Variants in ZNF462 observed in about 807,000 individuals in gnomAD.
ZNF462 encodes the protein zinc finger PBX1-interacting protein.
A neutral mutation model predicts 201.9 loss-of-function variants in ZNF462; 10 were observed. The observed-to-expected ratio is 0.05, with a 90% CI of 0.03 to 0.08. The LOEUF (loss-of-function observed/expected upper bound fraction) is 0.08. ZNF462 is among the 10% of genes least tolerant of loss of function. ZNF462 has a pLI of 1.00. For missense variants in ZNF462, 2,523 were observed against 3,168.3 expected, an observed-to-expected ratio of 0.80 and a Z score of 4.89; for synonymous variants, 1,227 against 1,193.3, an observed-to-expected ratio of 1.03 and a Z score of -0.58.
chr9:106,904,976 G>GT (rs1335049752), intron 1 of ZNF462, among the ~76,000 whole-genome samples: 3 of 152,050 alleles, frequency 2.0e-5, no homozygotes, highest in South Asian at 2.1e-4. Flanking sequence ...TGATTTTTTT[G>GT]TGGGGGGGTG....
In ZNF462 at chr9:106,917,990, C is replaced by T. The variant is rs1004672858; in HGVS notation, c.-30-5364C>T. Among the ~76,000 whole-genome samples, 10 of 151,872 alleles carry T rather than the reference C, an allele frequency of 6.6e-5. No individual in the cohort carries two copies. The highest frequency in any genetic ancestry group is 2.1e-4 in the South Asian group (1 of 4,806). Reference sequence around the variant, plus strand: ...CTCCCGGGTTCAAGCAATTCTCTGCCTCAGCCTCCTGAGTAGCTGGGATTA... The same window carrying T: ...CTCCCGGGTTCAAGCAATTCTCTGCTTCAGCCTCCTGAGTAGCTGGGATTA... On this transcript the variant is annotated intron_variant, in intron 1 of 12. Coordinates refer to ENST00000277225, the MANE Select transcript of ZNF462 (RefSeq NM_021224.6). This position sits in a 1 kb window ranked among gnomAD's most constrained non-coding sequence, Gnocchi z 4.5.
intron 1 of ZNF462, among the ~76,000 whole-genome samples, chr9:106,909,969 A>G (rs1193005887): frequency 2.6e-5 from 4 of 152,072 alleles, no homozygotes; most frequent in Non-Finnish European, 5.9e-5. Context: ...TTTTATCTGT[A>G]TGTTCGATCT....
chr9:106,940,525 C>A (rs544239742), intron 7 of ZNF462, among the ~76,000 whole-genome samples: 3 of 152,184 alleles, frequency 2.0e-5, no homozygotes, highest in Non-Finnish European at 4.4e-5. Flanking sequence ...AATGGTAAGT[C>A]CTAAGATGAA....
At chr9:106,941,623 T>C (rs1272310526) in intron 7 of ZNF462, among the ~76,000 whole-genome samples, 1 of 152,212 alleles carries the variant, frequency 6.6e-6, no homozygotes, top group East Asian at 1.9e-4. Context: ...TTAATGTATA[T>C]AAATGACCTA....
rs542703164 is a variant in ZNF462 at position 106,895,684 on chromosome 9, G to A, written c.-30-27670G>A. 2.0e-5 allele frequency among the ~76,000 whole-genome samples: 3 copies of A among 152,308 alleles called. No individual in the cohort carries two copies. In the South Asian group the frequency reaches 6.2e-4, roughly 32 times the overall value. On this transcript the variant is annotated intron_variant, in intron 1 of 12. Coordinates refer to ENST00000277225, the MANE Select transcript of ZNF462 (RefSeq NM_021224.6). The surrounding 1 kb of genome is among the most constrained non-coding windows in gnomAD (Gnocchi z 4.4). Reference sequence around the variant, plus strand: ...TTTTTAGTCCCATTATACAGGTCAGGAAGTTGGAGGTCCTGTTGTCTTTCT... The same window carrying A: ...TTTTTAGTCCCATTATACAGGTCAGAAAGTTGGAGGTCCTGTTGTCTTTCT...
In ZNF462 at chr9:106,927,436, A is replaced by G; in HGVS notation, c.3524A>G (p.Gln1175Arg). Reference protein sequence around the residue: ...GSPRPPAPIQQLNRSSSERDG... With the variant: ...GSPRPPAPIQRLNRSSSERDG... ...CCCCGGCCACCCGCCCCCATACAAC[A>G]GCTGAACCGAAGCAGCTCTGAGAGA... Residue 1175 changes from glutamine (Q) to arginine (R), a missense_variant, in exon 3 of 13, where the codon CAG becomes CGG. Physicochemically the swap from Gln to Arg is conservative, Grantham distance 43. Around this residue, in one of 15 missense-constraint regions of ZNF462, gnomAD observed 222 missense variants for 271.6 expected, o/e 0.82. Coordinates refer to ENST00000277225, the MANE Select transcript of ZNF462 (RefSeq NM_021224.6). 1 of 1,613,448 alleles carries G rather than the reference A, an allele frequency of 6.2e-7. No individual in the cohort carries two copies. Among genetic ancestry groups the G allele is most frequent in the Non-Finnish European group, 8.5e-7 (1 of 1,179,894 alleles).
rs867025871 is a variant in ZNF462 at position 106,929,981 on chromosome 9, A to G, written c.5847+222A>G. ...TCCCTCCTTCCCTTTGACTCCTCCCATGGCTCCCCAGGGGAGGTTTGGGGT... is the reference window on the plus strand; with the variant it reads ...TCCCTCCTTCCCTTTGACTCCTCCCGTGGCTCCCCAGGGGAGGTTTGGGGT... On this transcript the variant is annotated intron_variant, in intron 3 of 12. Transcript: ENST00000277225. This position sits in a 1 kb window ranked among gnomAD's most constrained non-coding sequence, Gnocchi z 8.7. Among the ~76,000 whole-genome samples the G allele has an allele frequency of 5.9e-5, 9 of 151,722 alleles. No homozygotes were observed. Among genetic ancestry groups the G allele is most frequent in the Admixed American group, 3.3e-4 (5 of 15,226 alleles).
chr9:106,959,497 G>C (rs1831731392), intron 7 of ZNF462, among the ~76,000 whole-genome samples: 1 of 152,070 alleles, frequency 6.6e-6, no homozygotes. Flanking sequence ...CCAGTCACTG[G>C]ACTTCACACA....
chr9:106,942,607 G>A (rs1830921667), intron 7 of ZNF462, among the ~76,000 whole-genome samples: 2 of 152,306 alleles, frequency 1.3e-5, no homozygotes, highest in South Asian at 4.2e-4. Flanking sequence ...ATGCTCTGCT[G>A]TGTTTGTGTT....
At position 106,972,064 on chromosome 9, in the gene ZNF462, G is replaced by T. The variant is rs368541757; in HGVS notation, c.6487G>T (p.Ala2163Ser). 2.5e-5 allele frequency: 41 copies of T among 1,614,152 alleles called. No homozygotes were observed. The highest frequency in any genetic ancestry group is 1.0e-4 in the Admixed American group (6 of 60,028). Residue 2163 changes from alanine (A) to serine (S), a missense_variant, in exon 8 of 13, where the codon GCC (alanine) becomes TCC (serine). By Grantham distance (99) the Ala-to-Ser change is moderately conservative (BLOSUM62 1). This residue lies in a region of ZNF462 where 138 missense variants were observed against 146.3 expected (regional missense o/e 0.94). Coordinates refer to ENST00000277225, the MANE Select transcript of ZNF462 (RefSeq NM_021224.6). This position sits in a 1 kb window ranked among gnomAD's most constrained non-coding sequence, Gnocchi z 4.8. ...GCAGTTGAACCACTATCAGTCAGCT[G>T]CCCTGGCAAGGAACAACAGCCGTGT... ...QQQLNHYQSA[A>S]LARNNSRVSP...
Position 106,928,132 on chromosome 9 carries a change from T to C in ZNF462, c.4220T>C (p.Ile1407Thr). ...GATGAGTCAGTGCTACTGGACATCA[T>C]CAAGGAGAAAGATGCTGTGGAGAAG... ...NGDESVLLDI[I>T]KEKDAVEKPI... Residue 1407 changes from isoleucine (I) to threonine (T), a missense_variant, in exon 3 of 13, where the codon ATC (isoleucine) becomes ACC (threonine). Ile to Thr is a moderately conservative substitution (Grantham distance 89). Transcript: ENST00000277225. This position sits in a 1 kb window ranked among gnomAD's most constrained non-coding sequence, Gnocchi z 9.3. 2.5e-6 allele frequency: 4 copies of C among 1,614,154 alleles called. No homozygotes were observed. The highest frequency in any genetic ancestry group is 2.5e-6 in the Non-Finnish European group (3 of 1,180,036).
Position 106,923,409 on chromosome 9 carries a change from G to C in ZNF462, c.26G>C (p.Cys9Ser). The change falls in exon 2 of 13, where the codon TGT becomes TCT. Residue 9 changes from cysteine to serine, a missense_variant. Cys to Ser is a moderately radical substitution (Grantham distance 112). Coordinates refer to ENST00000277225, the MANE Select transcript of ZNF462 (RefSeq NM_021224.6). This position sits in a 1 kb window ranked among gnomAD's most constrained non-coding sequence, Gnocchi z 5.6. ...ATGGAGGTGCTTCAGTGTGATGGCT[G>C]TGATTTCCGAGCCCCGTCTTATGAA... MEVLQCDG[C>S]DFRAPSYEDL... The C allele has an allele frequency of 6.2e-7, 1 of 1,614,186 alleles. No individual in the cohort carries two copies. The highest frequency in any genetic ancestry group is 8.5e-7 in the Non-Finnish European group (1 of 1,180,040).
At chr9:106,912,308 A>G (rs1457755862) in intron 1 of ZNF462, among the ~76,000 whole-genome samples, 1 of 152,208 alleles carries the variant, frequency 6.6e-6, no homozygotes, top group African/African-American at 2.4e-5. Flanking sequence ...TTCTGTGTAT[A>G]CCTTTGTCAG....
intron 1 of ZNF462, among the ~76,000 whole-genome samples, chr9:106,921,021 AG>A (rs1829969133): frequency 6.6e-6 from 1 of 152,156 alleles, no homozygotes; most frequent in Admixed American, 6.5e-5. Flanking sequence ...TTTGTGTTGA[AG>A]GGTGTGTCTG....
chr9:106,995,315 C>A (rs1828621529), intron 10 of ZNF462, among the ~76,000 whole-genome samples: 1 of 152,076 alleles, frequency 6.6e-6, no homozygotes, highest in African/African-American at 2.4e-5. Context: ...TGCTCTATAT[C>A]CTTCTGGGTA....
rs1588079712 is a variant in ZNF462 at position 106,932,878 on chromosome 9, T to C, written c.6116+329T>C. 1 of 424,090 alleles carries C rather than the reference T, an allele frequency of 2.4e-6. No homozygotes were observed. The highest frequency in any genetic ancestry group is 3.0e-5 in the South Asian group (1 of 33,736). The allele number at this position is 424,090 out of a possible 1,614,324, so 26.3% of individuals were successfully genotyped here. ...CAAACATTCAGCCAAAATCTAGTCA[T>C]TGTTTGAGGAAGTAAAGTCCATTTA... On this transcript the variant is annotated intron_variant, in intron 5 of 12. Coordinates refer to ENST00000277225, the MANE Select transcript of ZNF462 (RefSeq NM_021224.6). The surrounding 1 kb of genome is among the most constrained non-coding windows in gnomAD (Gnocchi z 6.8).
At chr9:106,899,910 T>C (rs1413569770) in intron 1 of ZNF462, among the ~76,000 whole-genome samples, 1 of 152,120 alleles carries the variant, frequency 6.6e-6, no homozygotes. Context: ...GTAAGTTCTT[T>C]AGTGGTGACG....
At position 106,978,963 on chromosome 9, in the gene ZNF462, G is replaced by T; in HGVS notation, c.6832+4690G>T. 3.5e-6 allele frequency: 1 copy of T among 287,740 alleles called. No homozygotes were observed. Among genetic ancestry groups the T allele is most frequent in the Non-Finnish European group, 6.6e-6 (1 of 150,668 alleles). 17.8% of individuals were successfully genotyped at this position (287,740 alleles called of 1,614,324 possible). A position where few individuals can be genotyped will look rare whatever the true frequency, so the allele number is the denominator to read the frequency against. ...GCCTTTGTCTTCCAAGTTAATGTGT[G>T]TGAAGGCAACAGTAGTGCAGATCTC... On this transcript the variant is annotated intron_variant, in intron 9 of 12. Coordinates refer to ENST00000277225, the MANE Select transcript of ZNF462 (RefSeq NM_021224.6). The surrounding 1 kb of genome is among the most constrained non-coding windows in gnomAD (Gnocchi z 4.1).
Position 106,938,803 on chromosome 9 carries a change from C to T in ZNF462, c.6236-113C>T. On this transcript the variant is annotated intron_variant, in intron 6 of 12. Coordinates refer to ENST00000277225, the MANE Select transcript of ZNF462 (RefSeq NM_021224.6). The surrounding 1 kb of genome is among the most constrained non-coding windows in gnomAD (Gnocchi z 4.4). The stretch of plus-strand genomic sequence containing the variant: ...TGAGGTTCGTTCATAGAACATGAAG[C>T]TTGAGATGCGCTTCTCTAGCATGAG... 1 of 1,157,054 alleles carries T rather than the reference C, an allele frequency of 8.6e-7. No homozygotes were observed. The highest frequency in any genetic ancestry group is 1.2e-6 in the Non-Finnish European group (1 of 826,798). The allele number at this position is 1,157,054 out of a possible 1,614,324, so 71.7% of individuals were successfully genotyped here. A position where few individuals can be genotyped will look rare whatever the true frequency, so the allele number is the denominator to read the frequency against.
Sources: allele counts gnomAD v4.1 joint callset (sites outside exome capture counted in the v4.1 genomes callset), GRCh38; gene constraint gnomAD v4.1.1; regional missense constraint gnomAD v4.1.1; non-coding constraint Gnocchi (gnomAD v3.1); transcripts MANE v1.5; gene names NCBI Gene and HGNC (gene_info 2026-07-23, HGNC 2026-07-21).